PPM1F: variants seen among roughly 807,000 people sequenced by gnomAD.
PPM1F encodes protein phosphatase 1F.
A neutral mutation model predicts 35.5 loss-of-function variants in PPM1F; 17 were observed. That is an observed-to-expected ratio of 0.48 (90% CI 0.33 to 0.72). The LOEUF is 0.72. PPM1F is among the 30% of genes least tolerant of loss of function. The pLI is 0.02. For synonymous variants in PPM1F, 241 were observed against 255.5 expected (o/e 0.94, Z 0.54); for missense variants, 521 against 613.0 (o/e 0.85, Z 1.59).
chr22:21,938,340 C>A, intron 3 of PPM1F: 1 of 1,192,398 alleles, frequency 8.4e-7, no homozygotes. Flanking sequence ...CCTGCTGGCT[C>A]GGCCGAGAAC....
chr22:21,924,687 A>C (rs2145790554), intron 7 of PPM1F, among the ~76,000 whole-genome samples: 1 of 146,862 alleles, frequency 6.8e-6, no homozygotes, highest in South Asian at 2.2e-4. Flanking sequence ...CTCCTCCCTC[A>C]GCCTCCCAAG....
rs749713723 is a variant in PPM1F at position 21,923,278 on chromosome 22, C to T, written c.1179G>A (p.Leu393=). The T allele has an allele frequency of 2.5e-6, 4 of 1,613,492 alleles. No individual in the cohort carries two copies. Among genetic ancestry groups the T allele is most frequent in the Non-Finnish European group, 3.4e-6 (4 of 1,179,940 alleles). The change falls in exon 8 of 8, where the codon CTG becomes CTA. Residue 393 remains leucine, a synonymous_variant. Transcript: ENST00000263212. The stretch of plus-strand genomic sequence containing the variant: ...AGCCCCGCTCCCGGGCCGCAGCCAC[C>T]AGCTCCTCGGCGACACGGAGCCCGC... ...QGSGLRVAEE[L]VAAARERGSH... is the part of the protein sequence containing the mutation.
Position 21,925,639 on chromosome 22 carries a change from T to C in PPM1F, c.915A>G (p.Ala305=). 1 of 1,598,550 alleles carries C rather than the reference T, an allele frequency of 6.3e-7. No individual in the cohort carries two copies. The part of the protein sequence containing the change: ...ERQDEKARIE[A]LGGFVSHMDC... ...CCATGTGAGACACAAAGCCACCCAA[T>C]GCTTCAATGCGCGCCTTCTCATCCT... Residue 305 remains alanine (A), a synonymous_variant, in exon 7 of 8, where the codon GCA becomes GCG. Coordinates refer to ENST00000263212, the MANE Select transcript of PPM1F (RefSeq NM_014634.4).
chr22:21,924,268 C>CTTT (rs34519625), intron 7 of PPM1F, among the ~76,000 whole-genome samples: 4 of 137,214 alleles, frequency 2.9e-5, no homozygotes, highest in South Asian at 4.6e-4. Flanking sequence ...GCTGGACCCA[C>CTTT]TTTTTTTTTT....
At chr22:21,929,217 C>G (rs1027460159) in intron 6 of PPM1F, among the ~76,000 whole-genome samples, 1 of 152,142 alleles carries the variant, frequency 6.6e-6, no homozygotes, top group African/African-American at 2.4e-5. Context: ...ATCAGGATCA[C>G]AGCAGGAGGG....
At chr22:21,950,260 T>C (rs1231277794) in intron 1 of PPM1F, 3 of 152,110 alleles carry the variant, frequency 2.0e-5, no homozygotes, top group African/African-American at 7.2e-5. Flanking sequence ...TGTGGTGCCC[T>C]CCTTCCATTT....
At chr22:21,925,705 G>T in intron 6 of PPM1F, 43 bp from the exon 7 acceptor site, 1 of 1,483,762 alleles carries the variant, frequency 6.7e-7, no homozygotes, top group Admixed American at 2.0e-5. Context: ...CCGGGGGGAT[G>T]GGGCGTGAAG....
chr22:21,947,336 C>T (rs921419079), intron 1 of PPM1F: 2 of 152,500 alleles, frequency 1.3e-5, no homozygotes, highest in Non-Finnish European at 2.9e-5. Context: ...TCTCCTGCCC[C>T]CTTCCTCTCG....
At chr22:21,932,515 G>C (rs1378869975) in intron 5 of PPM1F, among the ~76,000 whole-genome samples, 1 of 152,176 alleles carries the variant, frequency 6.6e-6, no homozygotes, top group Non-Finnish European at 1.5e-5. Flanking sequence ...TTCTCACTGG[G>C]GCGGGTCTTT....
intron 1 of PPM1F, chr22:21,951,112 A>C (rs758136174): frequency 1.3e-5 from 2 of 152,136 alleles, no homozygotes; most frequent in African/African-American, 4.8e-5. Flanking sequence ...GCATAGTCAC[A>C]TTGCTGTGCA....
intron 6 of PPM1F, chr22:21,925,870 T>G: frequency 2.2e-6 from 1 of 464,282 alleles, no homozygotes; most frequent in Non-Finnish European, 3.8e-6. Flanking sequence ...AGTCCTTTAG[T>G]TGCAGGAATG....
chr22:21,950,604 T>C (rs1002933499), intron 1 of PPM1F: 1 of 152,118 alleles, frequency 6.6e-6, no homozygotes, highest in Non-Finnish European at 1.5e-5. Context: ...AAAAGCATCA[T>C]TCATGTTAAC....
At position 21,939,478 on chromosome 22, in the gene PPM1F, C is replaced by T; in HGVS notation, c.355+54G>A. The T allele has an allele frequency of 6.2e-7, 1 of 1,602,914 alleles. No homozygotes were observed. Among genetic ancestry groups the T allele is most frequent in the East Asian group, 2.2e-5 (1 of 44,782 alleles). On this transcript the variant is annotated intron_variant, in intron 3 of 7. Coordinates refer to ENST00000263212, the MANE Select transcript of PPM1F (RefSeq NM_014634.4). This position sits in a 1 kb window ranked among gnomAD's most constrained non-coding sequence, Gnocchi z 5.1. ...AATGGGCTTCCCACAATGTCGTCAC[C>T]CTTTGTTGCCTGCTAAGCAGCCCTG...
chr22:21,936,545 T>C (rs1009139356), intron 3 of PPM1F: 5 of 152,240 alleles, frequency 3.3e-5, no homozygotes, highest in African/African-American at 7.2e-5. Flanking sequence ...CTGCTTCTGA[T>C]GAAGAGTGGC....
At position 21,933,430 on chromosome 22, in the gene PPM1F, C is replaced by T. The variant is rs1601782959; in HGVS notation, c.708G>A (p.Arg236=). ...DPEGALREAF[R]RTDQMFLRKA... is the part of the protein sequence containing the mutation. ...TCCTGAGAAACATCTGGTCGGTGCGCCGGAAGGCTTCTCTGAGGGCTCCCT... is the reference window on the plus strand; with the variant it reads ...TCCTGAGAAACATCTGGTCGGTGCGTCGGAAGGCTTCTCTGAGGGCTCCCT... The change falls in exon 5 of 8, where the codon CGG becomes CGA. Residue 236 remains arginine, a synonymous_variant. Transcript: ENST00000263212. 1 of 1,612,682 alleles carries T rather than the reference C, an allele frequency of 6.2e-7. No individual in the cohort carries two copies. Among genetic ancestry groups the T allele is most frequent in the Non-Finnish European group, 8.5e-7 (1 of 1,179,904 alleles).
In PPM1F at chr22:21,934,093, C is replaced by A; in HGVS notation, c.489G>T (p.Arg163=). 1 of 1,564,334 alleles carries A rather than the reference C, an allele frequency of 6.4e-7. No individual in the cohort carries two copies. The change falls in exon 4 of 8, where the codon CGG becomes CGT. Residue 163 remains arginine (R), a synonymous_variant. Coordinates refer to ENST00000263212, the MANE Select transcript of PPM1F (RefSeq NM_014634.4). ...GGTCCTCCATCTTGCGGCGAGTGTT[C>A]CGGATGGCGTGGATGGAGACCAGCC... is the stretch of plus-strand genomic sequence containing the variant. ...RQWLVSIHAI[R]NTRRKMEDRH... is the part of the protein sequence containing the mutation.
At chr22:21,923,510 G>A in intron 7 of PPM1F, 39 bp from the exon 8 acceptor site, 1 of 1,557,256 alleles carries the variant, frequency 6.4e-7, no homozygotes, top group Non-Finnish European at 8.7e-7. Flanking sequence ...GAGGACCACG[G>A]TGTCCACAGC....
At chr22:21,933,910 C>G in intron 4 of PPM1F, 114 bp downstream of exon 4, 1 of 1,028,464 alleles carries the variant, frequency 9.7e-7, no homozygotes, top group Non-Finnish European at 1.4e-6. Context: ...CAGGGGCTGA[C>G]GGGTGTCTCT....
chr22:21,922,515 CA>C lies in PPM1F; in HGVS notation c.*576del, dbSNP rs2070458405. ...CATCATGGCTGCCCTGGAGTGGGGG[CA>C]GGGGGGTGGCTGCTACAGAACAGAC... On this transcript the variant is annotated 3_prime_UTR_variant, in exon 8 of 8. Coordinates refer to ENST00000263212, the MANE Select transcript of PPM1F (RefSeq NM_014634.4). 6.6e-6 allele frequency: 1 copy of C among 152,522 alleles called. No homozygotes were observed. The highest frequency in any genetic ancestry group is 2.4e-5 in the African/African-American group (1 of 41,462). 9.4% of individuals were successfully genotyped at this position (152,522 alleles called of 1,614,324 possible).
Sources: allele counts gnomAD v4.1 joint callset (sites outside exome capture counted in the v4.1 genomes callset), GRCh38; gene constraint gnomAD v4.1.1; non-coding constraint Gnocchi (gnomAD v3.1); transcripts MANE v1.5; gene names NCBI Gene and HGNC (gene_info 2026-07-23, HGNC 2026-07-21).